DACH2: variants seen among roughly 807,000 people sequenced by gnomAD.
DACH2 encodes the protein dachshund family transcription factor 2, also known as dachshund homolog 2.
A neutral mutation model predicts 35.8 loss-of-function variants in DACH2; 17 were observed. That is an observed-to-expected ratio of 0.48 (90% CI 0.33 to 0.71). The LOEUF (loss-of-function observed/expected upper bound fraction) is 0.71, where lower values mean the gene tolerates loss of function less well. Ranked by LOEUF, DACH2 falls within the 30% of genes least tolerant of loss-of-function variation. The pLI, the probability that DACH2 is intolerant of heterozygous loss-of-function variation, is 0.02. For missense variants in DACH2, 469 were observed against 472.7 expected, an observed-to-expected ratio of 0.99 and a Z score of 0.07; for synonymous variants, 195 against 177.3, an observed-to-expected ratio of 1.10 and a Z score of -0.79.
rs764376856 is a variant in DACH2 at position 86,158,491 on chromosome X, C to T, written c.488+9383C>T. Among the ~76,000 whole-genome samples the T allele has an allele frequency of 4.8e-4, 52 of 108,887 alleles. 1 individual carries two copies. The highest frequency in any genetic ancestry group is 1.6e-3 in the African/African-American group (48 of 29,644). The allele number at this position is 108,887 out of a possible 115,157, so 94.6% of individuals were successfully genotyped here. A position where few individuals can be genotyped will look rare whatever the true frequency, so the allele number is the denominator to read the frequency against. On this transcript the variant is annotated intron_variant, in intron 1 of 11. Coordinates refer to ENST00000373125, the MANE Select transcript of DACH2 (RefSeq NM_053281.3). Reference sequence around the variant, plus strand: ...AACTTCTTCACAACCATTTTGATCGCTCATGATTAGATTTGTTATGATAGC... The same window carrying T: ...AACTTCTTCACAACCATTTTGATCGTTCATGATTAGATTTGTTATGATAGC...
At chrX:86,189,311 G>A (rs2031762979) in intron 1 of DACH2, among the ~76,000 whole-genome samples, 1 of 111,818 alleles carries the variant, frequency 8.9e-6, no homozygotes, top group Non-Finnish European at 1.9e-5. Context: ...ATTACTGTTT[G>A]TATCACTGGA....
In DACH2 at chrX:86,832,306, C is replaced by T. The variant is rs1011196542; in HGVS notation, c.*151C>T. The T allele has an allele frequency of 2.0e-5, 9 of 460,726 alleles. No homozygotes were observed. In the Admixed American group the frequency reaches 2.2e-4, roughly 11 times the overall value. The allele number at this position is 460,726 out of a possible 1,213,427, so 38.0% of individuals were successfully genotyped here. A position where few individuals can be genotyped will look rare whatever the true frequency, so the allele number is the denominator to read the frequency against. On this transcript the variant is annotated 3_prime_UTR_variant, in exon 12 of 12. Coordinates refer to ENST00000373125, the MANE Select transcript of DACH2 (RefSeq NM_053281.3). ...AATCTATGTTACATTAAAAAAGAAA[C>T]GCGTGTACATTTTAAAAGCAATGAT...
At chrX:86,797,839 T>C (rs1324730770) in intron 7 of DACH2, among the ~76,000 whole-genome samples, 2 of 111,650 alleles carry the variant, frequency 1.8e-5, no homozygotes, top group African/African-American at 6.5e-5. Context: ...AGTAGGCCAT[T>C]GGATAGTTGT....
At chrX:86,510,114 T>C (rs1050554928) in intron 2 of DACH2, among the ~76,000 whole-genome samples, 3 of 112,284 alleles carry the variant, frequency 2.7e-5, no homozygotes, top group African/African-American at 9.7e-5. Context: ...ACTGCTCATA[T>C]GATTTATATT....
At chrX:86,169,034 C>G (rs770659352) in intron 1 of DACH2, among the ~76,000 whole-genome samples, 5 of 111,271 alleles carry the variant, frequency 4.5e-5, no homozygotes, top group Non-Finnish European at 7.6e-5. Flanking sequence ...CTTTAATGTC[C>G]TTTTCTTTCT....
chrX:86,646,161 G>T (rs2040412341), intron 3 of DACH2, among the ~76,000 whole-genome samples: 1 of 111,513 alleles, frequency 9.0e-6, no homozygotes, highest in African/African-American at 3.2e-5. Flanking sequence ...AGAACTGGAG[G>T]CCATTACTTT....
intron 1 of DACH2, among the ~76,000 whole-genome samples, chrX:86,178,766 T>C (rs997685227): frequency 9.0e-6 from 1 of 111,688 alleles, no homozygotes; most frequent in African/African-American, 3.2e-5. Flanking sequence ...ATAAGCCTCA[T>C]GTACATAAAG....
chrX:86,293,140 T>C (rs1436306756), intron 1 of DACH2, among the ~76,000 whole-genome samples: 1 of 97,180 alleles, frequency 1.0e-5, no homozygotes. Context: ...TTTAGGATAG[T>C]TAGCTTTTCT....
intron 4 of DACH2, among the ~76,000 whole-genome samples, chrX:86,694,208 T>C (rs1425439723): frequency 9.0e-6 from 1 of 111,702 alleles, no homozygotes; most frequent in Non-Finnish European, 1.9e-5. Flanking sequence ...TGCACAACCA[T>C]TTTGTTTTCT....
intron 7 of DACH2, among the ~76,000 whole-genome samples, chrX:86,791,501 A>G (rs982857529): frequency 2.7e-5 from 3 of 111,549 alleles, no homozygotes; most frequent in Non-Finnish European, 1.9e-5. Flanking sequence ...CACTTCAACC[A>G]CATTCAACAG....
intron 2 of DACH2, among the ~76,000 whole-genome samples, chrX:86,511,208 T>G (rs16980580): frequency 0.03 from 3,309 of 111,677 alleles, 132 homozygotes; most frequent in African/African-American, 0.1. Context: ...TTCATCGTGT[T>G]GTCAGGTTCG....
rs193215669 is a variant in DACH2 at position 86,724,719 on chromosome X, G to C, written c.1104+9999G>C. Among the ~76,000 whole-genome samples, 186 of 111,337 alleles carry C rather than the reference G, an allele frequency of 1.7e-3. 1 individual carries two copies. Among genetic ancestry groups the C allele is most frequent in the African/African-American group, 5.9e-3 (180 of 30,704 alleles). On this transcript the variant is annotated intron_variant, in intron 6 of 11. Coordinates refer to ENST00000373125, the MANE Select transcript of DACH2 (RefSeq NM_053281.3). ...CTTGGAGATTGCTAATTCTCCTTTAGATGTCTGACACTCTTGCTAGAAATG... is the reference window on the plus strand; with the variant it reads ...CTTGGAGATTGCTAATTCTCCTTTACATGTCTGACACTCTTGCTAGAAATG...
chrX:86,388,698 G>A (rs1202711778), intron 2 of DACH2, among the ~76,000 whole-genome samples: 1 of 111,155 alleles, frequency 9.0e-6, no homozygotes, highest in Admixed American at 9.6e-5. Flanking sequence ...CAGTTTAGGG[G>A]GTCTTTCCTT....
At position 86,827,911 on chromosome X, in the gene DACH2, A is replaced by G. The variant is rs183091443; in HGVS notation, c.1751-4195A>G. The G allele has an allele frequency of 5.4e-3, 3,862 of 720,022 alleles. 22 individuals are homozygous for G. The highest frequency in any genetic ancestry group is 5.3e-3 in the Non-Finnish European group (2,586 of 485,922). The allele number at this position is 720,022 out of a possible 1,213,427, so 59.3% of individuals were successfully genotyped here. A position where few individuals can be genotyped will look rare whatever the true frequency, so the allele number is the denominator to read the frequency against. ...AACCTTTAATTACTGTTTGTTCATT[A>G]CTGATAAATAGAACCTTACACATAC... On this transcript the variant is annotated intron_variant, in intron 11 of 11. Transcript: ENST00000373125.
intron 2 of DACH2, among the ~76,000 whole-genome samples, chrX:86,438,208 T>A (rs2037099586): frequency 9.4e-6 from 1 of 106,158 alleles, no homozygotes; most frequent in Admixed American, 1.0e-4. Flanking sequence ...GCAAAGGACA[T>A]GATCTCGTAG....
chrX:86,317,134 G>A (rs1285152597), intron 1 of DACH2, among the ~76,000 whole-genome samples: 1 of 88,899 alleles, frequency 1.1e-5, no homozygotes, highest in East Asian at 3.4e-4. Context: ...AAAAAAAAAA[G>A]GAATATAAGG....
chrX:86,660,398 C>T (rs1308222249), intron 4 of DACH2, among the ~76,000 whole-genome samples: 1 of 111,828 alleles, frequency 8.9e-6, no homozygotes, highest in Non-Finnish European at 1.9e-5. Context: ...TTTGCAGTAT[C>T]TTCCAAGACA....
At chrX:86,462,625 A>G (rs1242261060) in intron 2 of DACH2, among the ~76,000 whole-genome samples, 1 of 111,708 alleles carries the variant, frequency 9.0e-6, no homozygotes, top group Non-Finnish European at 1.9e-5. Context: ...CAATGATTAT[A>G]TATATCTTTG....
At chrX:86,429,623 C>T (rs1436278401) in intron 2 of DACH2, among the ~76,000 whole-genome samples, 2 of 107,610 alleles carry the variant, frequency 1.9e-5, no homozygotes, top group Admixed American at 2.0e-4. Context: ...TGCAGTGGTG[C>T]GATCTCGGCT....
Sources: allele counts gnomAD v4.1 joint callset (sites outside exome capture counted in the v4.1 genomes callset), GRCh38; gene constraint gnomAD v4.1.1; transcripts MANE v1.5; gene names NCBI Gene and HGNC (gene_info 2026-07-23, HGNC 2026-07-21).